Variants in AKAP7 observed in about 807,000 individuals in gnomAD.
AKAP7 encodes the protein A-kinase anchoring protein 7.
A neutral mutation model predicts 39.5 loss-of-function variants in AKAP7; 39 were observed. The ratio of observed to expected loss-of-function variants is 0.99; its 90% CI spans 0.76 to 1.29. The LOEUF (loss-of-function observed/expected upper bound fraction) is 1.29, where lower values mean the gene tolerates loss of function less well. Ranked by LOEUF, AKAP7 falls within the 50% of genes most tolerant of loss-of-function variation. The pLI is 0.00. For missense variants in AKAP7, 414 were observed against 407.7 expected, an observed-to-expected ratio of 1.02 and a Z score of -0.13; for synonymous variants, 140 against 139.1, an observed-to-expected ratio of 1.01 and a Z score of -0.05.
intron 5 of AKAP7, among the ~76,000 whole-genome samples, chr6:131,177,826 A>C (rs1347982867): frequency 6.6e-6 from 1 of 151,838 alleles, no homozygotes; most frequent in African/African-American, 2.4e-5. Flanking sequence ...TAGCAACCGG[A>C]CTCCCTAAAC....
At chr6:131,150,799 A>G (rs1468742635) in intron 2 of AKAP7, among the ~76,000 whole-genome samples, 3 of 152,194 alleles carry the variant, frequency 2.0e-5, no homozygotes, top group Admixed American at 1.3e-4. Flanking sequence ...CATTGGCATA[A>G]TAATGGTAGC....
chr6:131,215,341 G>A (rs558391524), intron 6 of AKAP7, among the ~76,000 whole-genome samples: 94 of 152,338 alleles, frequency 6.2e-4, no homozygotes, highest in Non-Finnish European at 1.0e-3. Flanking sequence ...AGGCCGCAAG[G>A]CCGTTCTCAC....
chr6:131,132,108 C>A (rs182010543), upstream of AKAP7, among the ~76,000 whole-genome samples: 2 of 151,856 alleles, frequency 1.3e-5, no homozygotes, highest in Non-Finnish European at 2.9e-5. Context: ...GTCAGGAGAT[C>A]GAGACCATCT....
intron 7 of AKAP7, among the ~76,000 whole-genome samples, chr6:131,274,577 A>G (rs1458636913): frequency 1.3e-5 from 2 of 152,040 alleles, no homozygotes; most frequent in East Asian, 1.9e-4. Context: ...GGCTCAAGCA[A>G]TCCTCCTGCC....
intron 6 of AKAP7, among the ~76,000 whole-genome samples, chr6:131,206,090 T>G (rs549739286): frequency 6.6e-6 from 1 of 152,344 alleles, no homozygotes; most frequent in Admixed American, 6.5e-5. Context: ...AAGACAAGTT[T>G]CAAATCAAAC....
chr6:131,238,294 T>G (rs1429255965), intron 7 of AKAP7, among the ~76,000 whole-genome samples: 1 of 152,214 alleles, frequency 6.6e-6, no homozygotes, highest in Non-Finnish European at 1.5e-5. Context: ...TTTCTGTTCT[T>G]TTACATTTGC....
chr6:131,130,198 G>C, the AKAP7 span, among the ~76,000 whole-genome samples: 370 of 152,304 alleles, frequency 2.4e-3, 2 homozygotes, highest in African/African-American at 8.4e-3. Flanking sequence ...AAAGAAACTT[G>C]CTGTATCTCA....
rs956846509 is a variant in AKAP7, at chr6:131,135,742, G to A, written c.-22G>A. The A allele has an allele frequency of 2.5e-6, 3 of 1,220,766 alleles. No individual in the cohort carries two copies. Among genetic ancestry groups the A allele is most frequent in the Admixed American group, 4.4e-5 (1 of 22,974 alleles). The allele number at this position is 1,220,766 out of a possible 1,614,324, so 75.6% of individuals were successfully genotyped here. On this transcript the variant is annotated 5_prime_UTR_variant, in exon 1 of 8. Coordinates refer to ENST00000431975, the MANE Select transcript of AKAP7 (RefSeq NM_016377.4). ...CCGCCGCTGCCGCCAGCCCAGACGCGCCGCCCGCATGCGCCGCGACCATGG... is the reference window on the plus strand; with the variant it reads ...CCGCCGCTGCCGCCAGCCCAGACGCACCGCCCGCATGCGCCGCGACCATGG...
chr6:131,178,735 T>G (rs1302039714), intron 5 of AKAP7, among the ~76,000 whole-genome samples: 1 of 152,142 alleles, frequency 6.6e-6, no homozygotes, highest in Non-Finnish European at 1.5e-5. Flanking sequence ...TTGTCCTATC[T>G]CCTTCTGTTT....
upstream of AKAP7, among the ~76,000 whole-genome samples, chr6:131,132,186 G>C (rs1022021431): frequency 1.3e-5 from 2 of 151,906 alleles, no homozygotes; most frequent in Non-Finnish European, 2.9e-5. Context: ...GGTGGCGGGC[G>C]CCTGTGGTCC....
At chr6:131,235,610 G>A (rs538579918) in intron 7 of AKAP7, among the ~76,000 whole-genome samples, 2 of 152,332 alleles carry the variant, frequency 1.3e-5, no homozygotes, top group Admixed American at 1.3e-4. Context: ...TCTAACTGGT[G>A]TGAGATGGTA....
chr6:131,141,853 A>G (rs1801061792), intron 1 of AKAP7, among the ~76,000 whole-genome samples: 1 of 151,566 alleles, frequency 6.6e-6, no homozygotes, highest in South Asian at 2.1e-4. Flanking sequence ...TGAACTTAGA[A>G]GTGATGACTT....
chr6:131,159,401 G>A (rs559581350), intron 2 of AKAP7, among the ~76,000 whole-genome samples: 22 of 152,118 alleles, frequency 1.4e-4, no homozygotes, highest in African/African-American at 4.6e-4. Flanking sequence ...CCAAGGATCA[G>A]TTTTTAAAAA....
chr6:131,224,730 CTTTTTTTTTTT>C lies in AKAP7; in HGVS notation c.850+4941_850+4951del, dbSNP rs779047229. ...GTTTGTAAAGTTTCCAGTTGATTCA[CTTTTTTTTTTT>C]TTTTTTTTTTTTTTTTTTGAGACAG... On this transcript the variant is annotated intron_variant, in intron 7 of 7. Transcript: ENST00000431975. Among the ~76,000 whole-genome samples, 22 of 55,112 alleles carry C rather than the reference CTTTTTTTTTTT, an allele frequency of 4.0e-4. No homozygotes were observed. In the South Asian group the frequency reaches 4.6e-3, roughly 12 times the overall value. 36.2% of individuals were successfully genotyped at this position (55,112 alleles called of 152,430 possible).
rs571476479 is a variant in AKAP7, at chr6:131,236,377, T to G, written c.850+16569T>G. Among the ~76,000 whole-genome samples, 56 of 152,384 alleles carry G rather than the reference T, an allele frequency of 3.7e-4. No homozygotes were observed. The East Asian group carries it at 0.011, about 29-fold the overall frequency. The stretch of plus-strand genomic sequence containing the variant: ...TTGTTCTTTTGGCTTAGGATTGCCT[T>G]GGCAATGTGGGCTCTTTTTTGGTTC... On this transcript the variant is annotated intron_variant, in intron 7 of 7. Coordinates refer to ENST00000431975, the MANE Select transcript of AKAP7 (RefSeq NM_016377.4).
intron 3 of AKAP7, 80 bp downstream of exon 3, chr6:131,160,278 T>A (rs970405851): frequency 2.1e-6 from 3 of 1,418,730 alleles, no homozygotes; most frequent in Non-Finnish European, 2.9e-6. Flanking sequence ...TTAGCCCACT[T>A]GCTCTTAGCT....
At chr6:131,175,610 G>A (rs1490616435) in intron 5 of AKAP7, among the ~76,000 whole-genome samples, 4 of 152,148 alleles carry the variant, frequency 2.6e-5, no homozygotes, top group African/African-American at 7.2e-5. Flanking sequence ...TACCATTAAT[G>A]GGGGTCAGGA....
At chr6:131,159,937 T>A (rs1419413399) in intron 2 of AKAP7, 122 bp from the exon 3 acceptor site, 1 of 944,522 alleles carries the variant, frequency 1.1e-6, no homozygotes. Flanking sequence ...TGCAAACTCC[T>A]GCTTTAGATT....
At chr6:131,151,921 A>G (rs1434012541) in intron 2 of AKAP7, among the ~76,000 whole-genome samples, 1 of 152,242 alleles carries the variant, frequency 6.6e-6, no homozygotes, top group Non-Finnish European at 1.5e-5. Flanking sequence ...AAAACAGTGA[A>G]CCCACTATAA....
Sources: allele counts gnomAD v4.1 joint callset (sites outside exome capture counted in the v4.1 genomes callset), GRCh38; gene constraint gnomAD v4.1.1; transcripts MANE v1.5; gene names NCBI Gene and HGNC (gene_info 2026-07-23, HGNC 2026-07-21).